The following ADCY5 variants were observed in gnomAD, a reference collection of about 807,000 sequenced individuals.
ADCY5 encodes the protein adenylate cyclase type 5.
ADCY5 carries 30 observed loss-of-function variants against 119.7 expected under a neutral mutation model. The observed-to-expected ratio is 0.25, with a 90% CI of 0.19 to 0.34. ADCY5 has a LOEUF of 0.34. Among genes scored for constraint, ADCY5 ranks in the 10% least tolerant of loss-of-function variants. ADCY5 has a pLI of 1.00. For missense variants in ADCY5, 1,324 were observed against 1,775.2 expected (o/e 0.75, Z 4.57); for synonymous variants, 753 against 762.2 (o/e 0.99, Z 0.20).
At chr3:123,421,433 G>A (rs897961472) in intron 1 of ADCY5, among the ~76,000 whole-genome samples, 3 of 152,184 alleles carry the variant, frequency 2.0e-5, no homozygotes, top group African/African-American at 4.8e-5. Flanking sequence ...CAATAATCAC[G>A]TCATACTGTT....
intron 1 of ADCY5, among the ~76,000 whole-genome samples, chr3:123,356,519 A>G (rs867484521): frequency 3.3e-5 from 5 of 152,370 alleles, no homozygotes; most frequent in Middle Eastern, 3.4e-3. Context: ...GAACAATTAA[A>G]TATTCATATG....
At chr3:123,339,676 A>G (rs1241020445) in intron 3 of ADCY5, among the ~76,000 whole-genome samples, 1 of 152,120 alleles carries the variant, frequency 6.6e-6, no homozygotes, top group Non-Finnish European at 1.5e-5. Flanking sequence ...AGGTCGAGGC[A>G]TGTCCTAGAT....
chr3:123,413,031 C>T (rs577915673), intron 1 of ADCY5, among the ~76,000 whole-genome samples: 2 of 152,320 alleles, frequency 1.3e-5, no homozygotes, highest in East Asian at 1.9e-4. Context: ...CCCCTGGAGA[C>T]GACCTCACCG....
intron 1 of ADCY5, among the ~76,000 whole-genome samples, chr3:123,403,787 G>C (rs1944834554): frequency 6.6e-6 from 1 of 152,176 alleles, no homozygotes; most frequent in Non-Finnish European, 1.5e-5. Context: ...CATCCGCCCT[G>C]CATGGACCCC....
At chr3:123,393,971 TA>T (rs1197087482) in intron 1 of ADCY5, among the ~76,000 whole-genome samples, 1 of 152,108 alleles carries the variant, frequency 6.6e-6, no homozygotes, top group African/African-American at 2.4e-5. Flanking sequence ...CTGTCTCTAC[TA>T]AAAATACACA....
Position 123,284,602 on chromosome 3 carries a change from C to T in ADCY5, c.*6G>A, listed in dbSNP as rs2108147831. 1.2e-6 allele frequency: 2 copies of T among 1,614,198 alleles called. No homozygotes were observed. Among genetic ancestry groups the T allele is most frequent in the East Asian group, 4.5e-5 (2 of 44,878 alleles). On this transcript the variant is annotated 3_prime_UTR_variant, in exon 21 of 21. Coordinates refer to ENST00000462833, the MANE Select transcript of ADCY5 (RefSeq NM_183357.3). The stretch of plus-strand genomic sequence containing the variant: ...CAGGCTGCCTGGCACCATTGGCCAA[C>T]AGCTGCTAACTGAGCGGGGGCCCTC...
intron 11 of ADCY5, 31 bp from the exon 12 acceptor site, chr3:123,314,353 C>A: frequency 6.4e-7 from 1 of 1,565,328 alleles, no homozygotes; most frequent in African/African-American, 1.4e-5. Flanking sequence ...AGGGAGAAGC[C>A]AGGCTCAGGT....
chr3:123,377,799 G>A (rs1576640909), intron 1 of ADCY5, among the ~76,000 whole-genome samples: 5 of 152,102 alleles, frequency 3.3e-5, no homozygotes, highest in African/African-American at 1.2e-4. Context: ...GTGTGGTGGT[G>A]TGTGCCTGTA....
At chr3:123,359,131 G>GT (rs5852331) in intron 1 of ADCY5, among the ~76,000 whole-genome samples, 66,521 of 151,346 alleles carry the variant, frequency 0.44, 16,486 homozygotes, top group East Asian at 0.69. Context: ...CCTGTTCCCG[G>GT]TAAGTCAGCT....
At chr3:123,391,729 T>G (rs902102349) in intron 1 of ADCY5, among the ~76,000 whole-genome samples, 1 of 152,216 alleles carries the variant, frequency 6.6e-6, no homozygotes, top group Non-Finnish European at 1.5e-5. Flanking sequence ...AGGCAGGCCC[T>G]GCAACTTTAG....
chr3:123,340,811 C>A (rs1942244472), intron 3 of ADCY5, among the ~76,000 whole-genome samples: 1 of 152,138 alleles, frequency 6.6e-6, no homozygotes, highest in South Asian at 2.1e-4. Flanking sequence ...CAATGCCATT[C>A]TAGATATACA....
At chr3:123,365,082 C>CA (rs1425218624) in intron 1 of ADCY5, among the ~76,000 whole-genome samples, 1 of 151,942 alleles carries the variant, frequency 6.6e-6, no homozygotes, top group Non-Finnish European at 1.5e-5. Flanking sequence ...TACAGGCGCC[C>CA]ACCACCATGC....
chr3:123,445,357 C>T (rs556926682), intron 1 of ADCY5, among the ~76,000 whole-genome samples: 87 of 131,550 alleles, frequency 6.6e-4, no homozygotes, highest in African/African-American at 2.5e-3. Flanking sequence ...CAAGGCTCAG[C>T]ACCCCTTTCC....
At chr3:123,404,381 C>T (rs1288508887) in intron 1 of ADCY5, 1 of 152,328 alleles carries the variant, frequency 6.6e-6, no homozygotes, top group Non-Finnish European at 1.5e-5. Context: ...CCCCTCAAGC[C>T]ACCGGTCAGT....
At position 123,318,129 on chromosome 3, in the gene ADCY5, C is replaced by T. The variant is rs752002869; in HGVS notation, c.2257-12G>A. ...ACCTGCTTGGAGTACTGAGAGGAGA[C>T]GGGCAGGGTGAGAGGGGCCAAGGTA... On this transcript the variant is annotated splice_polypyrimidine_tract_variant and intron_variant, in intron 10 of 20. Coordinates refer to ENST00000462833, the MANE Select transcript of ADCY5 (RefSeq NM_183357.3). 48 of 1,609,576 alleles carry T rather than the reference C, an allele frequency of 3.0e-5. 1 individual carries two copies. Among genetic ancestry groups the T allele is most frequent in the Non-Finnish European group, 3.6e-5 (42 of 1,177,182 alleles).
intron 1 of ADCY5, among the ~76,000 whole-genome samples, chr3:123,380,978 A>G (rs1045397266): frequency 6.6e-6 from 1 of 152,144 alleles, no homozygotes; most frequent in Non-Finnish European, 1.5e-5. Context: ...TCCACTTCAT[A>G]CGGTGACTCT....
Position 123,447,927 on chromosome 3 carries a change from C to A in ADCY5, c.619G>T (p.Ala207Ser), listed in dbSNP as rs767071906. The change falls in exon 1 of 21, where the codon GCC becomes TCC. Residue 207 changes from alanine to serine, a missense_variant. Around this residue, in one of 6 missense-constraint regions of ADCY5, gnomAD observed 585 missense variants for 569.9 expected, o/e 1.03. Transcript: ENST00000462833. ...AGPGAVLSLGACCLALLQIFR... is the reference protein window; with the variant it reads ...AGPGAVLSLGSCCLALLQIFR... The stretch of plus-strand genomic sequence containing the variant: ...ATCTGCAGCAACGCCAGGCAGCAGG[C>A]GCCCAGGGACAGCACCGCGCCGGGC... The A allele has an allele frequency of 3.1e-6, 5 of 1,602,338 alleles. No individual in the cohort carries two copies. The African/African-American group carries it at 6.7e-5, about 21-fold the overall frequency.
At chr3:123,285,102 G>A (rs1014272762) in intron 20 of ADCY5, among the ~76,000 whole-genome samples, 1 of 152,208 alleles carries the variant, frequency 6.6e-6, no homozygotes, top group Non-Finnish European at 1.5e-5. Context: ...TGACCTGGCT[G>A]CAGCCCGTCT....
chr3:123,407,969 T>G (rs752385593), intron 1 of ADCY5, among the ~76,000 whole-genome samples: 2 of 151,766 alleles, frequency 1.3e-5, no homozygotes, highest in South Asian at 2.1e-4. Context: ...CAAAAATGTT[T>G]GGGATAGACA....
Sources: allele counts gnomAD v4.1 joint callset (sites outside exome capture counted in the v4.1 genomes callset), GRCh38; gene constraint gnomAD v4.1.1; regional missense constraint gnomAD v4.1.1; transcripts MANE v1.5; gene names NCBI Gene and HGNC (gene_info 2026-07-23, HGNC 2026-07-21).